Variants in ABLIM1 observed in about 807,000 individuals in gnomAD.
ABLIM1 encodes the protein actin binding LIM protein 1, also known as actin-binding LIM protein 1.
Under a neutral mutation model 107.0 loss-of-function variants are expected in ABLIM1, and 40 were observed. The ratio of observed to expected loss-of-function variants is 0.37; its 90% CI spans 0.29 to 0.49. The LOEUF (loss-of-function observed/expected upper bound fraction) is 0.49, where lower values mean the gene tolerates loss of function less well. Among genes scored for constraint, ABLIM1 ranks in the 20% least tolerant of loss-of-function variants. The pLI is 0.97. For synonymous variants in ABLIM1, 357 were observed against 357.3 expected (o/e 1.00, Z 0.01); for missense variants, 857 against 1,008.5 (o/e 0.85, Z 2.04).
chr10:114,674,138 A>G (rs2080377814), intron 1 of ABLIM1, among the ~76,000 whole-genome samples: 1 of 151,904 alleles, frequency 6.6e-6, no homozygotes. Context: ...AGAAACACAA[A>G]AATCAGCCAG....
chr10:114,637,430 T>A (rs1170595712), intron 1 of ABLIM1, among the ~76,000 whole-genome samples: 1 of 152,230 alleles, frequency 6.6e-6, no homozygotes, highest in East Asian at 1.9e-4. Flanking sequence ...TCCCTCTTGA[T>A]CCTACTCACT....
rs764919678 is a variant in ABLIM1, at chr10:114,447,900, G to A, written c.1715C>T (p.Pro572Leu). 8.1e-6 allele frequency: 13 copies of A among 1,613,900 alleles called. No individual in the cohort carries two copies. Among genetic ancestry groups the A allele is most frequent in the African/African-American group, 8.0e-5 (6 of 74,874 alleles). ...CATACCTACGACAGCAAATGAGGGG[G>A]GACCAGGCCAGTGGTCCGTCTCAAT... ...PKIETDHWPG[P>L]PSFAVVGPDM... Residue 572 changes from proline (P) to leucine (L), a missense_variant, in exon 15 of 23, where the codon CCC (proline) becomes CTC (leucine). Physicochemically the swap from Pro to Leu is moderately conservative, Grantham distance 98. Coordinates refer to ENST00000533213, the MANE Select transcript of ABLIM1 (RefSeq NM_002313.7).
upstream of ABLIM1, chr10:114,658,352 C>A: frequency 2.9e-6 from 4 of 1,397,712 alleles, no homozygotes; most frequent in Non-Finnish European, 3.7e-6. Context: ...TAAGTGATTA[C>A]CCTCAAGAGC....
intron 1 of ABLIM1, among the ~76,000 whole-genome samples, chr10:114,603,129 A>AT (rs758157692): frequency 7.2e-5 from 11 of 152,156 alleles, no homozygotes; most frequent in Non-Finnish European, 1.5e-4. Context: ...CACAAAGATG[A>AT]TTTTCTCTCC....
the ABLIM1 span, among the ~76,000 whole-genome samples, chr10:114,794,327 G>C: frequency 2.0e-5 from 3 of 152,266 alleles, no homozygotes; most frequent in South Asian, 6.2e-4. Context: ...CAATTACAAT[G>C]CAAGTGCCAT....
chr10:114,601,705 G>A (rs756127933), intron 2 of ABLIM1, 122 bp downstream of exon 2: 1 of 1,484,658 alleles, frequency 6.7e-7, no homozygotes, highest in Admixed American at 1.7e-5. Flanking sequence ...AATGATGTCA[G>A]GGCTTCTGAG....
At chr10:114,486,186 T>C (rs979040746) in intron 8 of ABLIM1, among the ~76,000 whole-genome samples, 2 of 152,204 alleles carry the variant, frequency 1.3e-5, no homozygotes, top group Non-Finnish European at 2.9e-5. Flanking sequence ...CAAGATGTTA[T>C]CAGAGTGTTG....
Position 114,637,886 on chromosome 10 carries a change from T to C in ABLIM1, c.244+20071A>G, listed in dbSNP as rs546796157. Among the ~76,000 whole-genome samples, 25 of 152,334 alleles carry C rather than the reference T, an allele frequency of 1.6e-4. No individual in the cohort carries two copies. In the South Asian group the frequency reaches 4.6e-3, roughly 28 times the overall value. On this transcript the variant is annotated intron_variant, in intron 1 of 22. Transcript: ENST00000533213. The stretch of plus-strand genomic sequence containing the variant: ...TTTTTAAAAACAGTTTACTACCAGC[T>C]TTCTCTTTTATTGTAATATTTTCTA...
intron 6 of ABLIM1, among the ~76,000 whole-genome samples, chr10:114,493,895 C>T (rs186327493): frequency 6.6e-6 from 1 of 152,336 alleles, no homozygotes; most frequent in East Asian, 1.9e-4. Context: ...TAGACCTTGA[C>T]AGGCTGCTTC....
intron 1 of ABLIM1, among the ~76,000 whole-genome samples, chr10:114,693,965 T>C (rs1469461307): frequency 1.3e-5 from 2 of 152,086 alleles, no homozygotes; most frequent in African/African-American, 4.8e-5. Flanking sequence ...GCCCAGTCTA[T>C]TTTAATCATT....
At chr10:114,743,873 A>G (rs1431468523) in intron 1 of ABLIM1, among the ~76,000 whole-genome samples, 2 of 152,220 alleles carry the variant, frequency 1.3e-5, no homozygotes, top group African/African-American at 4.8e-5. Flanking sequence ...AAAGAAAAAA[A>G]AAGCTGCCTT....
At chr10:114,511,116 A>C (rs1356965626) in intron 6 of ABLIM1, among the ~76,000 whole-genome samples, 4 of 152,088 alleles carry the variant, frequency 2.6e-5, no homozygotes, top group Non-Finnish European at 1.5e-5. Context: ...ATAATCGCAC[A>C]TTATAAGTAT....
intron 1 of ABLIM1, among the ~76,000 whole-genome samples, chr10:114,756,241 AC>A (rs2082627741): frequency 6.6e-6 from 1 of 152,124 alleles, no homozygotes. Context: ...AATCCTATGC[AC>A]ATTTGTTCAC....
chr10:114,510,919 G>A (rs1391552337), intron 6 of ABLIM1, among the ~76,000 whole-genome samples: 1 of 151,980 alleles, frequency 6.6e-6, no homozygotes, highest in Non-Finnish European at 1.5e-5. Flanking sequence ...CCAAAGTGCT[G>A]GGATTACAGG....
intron 6 of ABLIM1, among the ~76,000 whole-genome samples, chr10:114,510,757 C>G (rs536755654): frequency 1.3e-5 from 2 of 151,852 alleles, no homozygotes; most frequent in African/African-American, 4.8e-5. Flanking sequence ...CTCAGGTGAT[C>G]CTCCCATCTT....
chr10:114,602,840 T>C (rs750670412), intron 1 of ABLIM1, among the ~76,000 whole-genome samples: 6 of 152,186 alleles, frequency 3.9e-5, no homozygotes, highest in Admixed American at 6.5e-5. Flanking sequence ...TTATTGTGAC[T>C]GCCCAGCCCT....
chr10:114,515,323 C>G (rs1253302072), intron 6 of ABLIM1, among the ~76,000 whole-genome samples: 3 of 152,126 alleles, frequency 2.0e-5, no homozygotes, highest in Admixed American at 6.5e-5. Flanking sequence ...TCCCTGGCCA[C>G]AGTGAATGGT....
chr10:114,772,564 A>C (rs1665310059), upstream of ABLIM1, among the ~76,000 whole-genome samples: 1 of 152,158 alleles, frequency 6.6e-6, no homozygotes, highest in Non-Finnish European at 1.5e-5. Context: ...CTATGATTGC[A>C]TCACTGCACT....
At chr10:114,439,672 G>A (rs532444614) in intron 20 of ABLIM1, 29 of 356,054 alleles carry the variant, frequency 8.1e-5, no homozygotes, top group Admixed American at 5.5e-4. Context: ...TGTCATGAGG[G>A]CAAACTGCTC....
Sources: gnomAD v4.1 joint callset for allele counts (sites outside exome capture counted in the v4.1 genomes callset) on GRCh38, gnomAD v4.1.1 for gene constraint, MANE v1.5 for transcripts, NCBI Gene and HGNC (gene_info 2026-07-23, HGNC 2026-07-21) for gene names.